The following PLD5 variants were observed in gnomAD, a reference collection of about 807,000 sequenced individuals.
PLD5 encodes the protein inactive phospholipase D5.
Under a neutral mutation model 61.1 loss-of-function variants are expected in PLD5, and 36 were observed. The observed-to-expected ratio is 0.59, with a 90% CI of 0.45 to 0.78. The LOEUF is 0.78. Ranked by LOEUF, PLD5 falls within the 30% of genes least tolerant of loss-of-function variation. PLD5 has a pLI of 0.00. For missense variants in PLD5, 515 were observed against 644.4 expected (o/e 0.80, Z 2.17); for synonymous variants, 243 against 242.8 (o/e 1.00, Z -0.01).
chr1:242,505,101 G>A (rs773326584), intron 1 of PLD5, among the ~76,000 whole-genome samples: 6 of 152,216 alleles, frequency 3.9e-5, no homozygotes, highest in Non-Finnish European at 5.9e-5. Flanking sequence ...AGGCTGCACT[G>A]AGCAGTGACC....
chr1:242,136,905 T>C (rs924901186), intron 5 of PLD5, among the ~76,000 whole-genome samples: 2 of 152,174 alleles, frequency 1.3e-5, no homozygotes, highest in African/African-American at 2.4e-5. Flanking sequence ...GCTTGGCAAA[T>C]GGCTGGTTGA....
At chr1:242,436,296 C>G (rs1255959443) in intron 1 of PLD5, among the ~76,000 whole-genome samples, 2 of 152,074 alleles carry the variant, frequency 1.3e-5, no homozygotes, top group African/African-American at 4.8e-5. Flanking sequence ...GGCATTCATT[C>G]CACTTGGAAA....
chr1:242,264,977 T>C (rs1276781801), intron 4 of PLD5, among the ~76,000 whole-genome samples: 1 of 152,174 alleles, frequency 6.6e-6, no homozygotes. Context: ...AGGATTTTCA[T>C]TTGGCAGGCA....
At position 242,163,142 on chromosome 1, in the gene PLD5, C is replaced by CT. The variant is rs1484018271; in HGVS notation, c.736-38478dup. 2.4e-3 allele frequency among the ~76,000 whole-genome samples: 309 copies of CT among 131,184 alleles called. 6 individuals are homozygous for CT. Among genetic ancestry groups the CT allele is most frequent in the African/African-American group, 8.2e-3 (288 of 35,024 alleles). 86.1% of individuals were successfully genotyped at this position (131,184 alleles called of 152,430 possible). ...TCCCTCAAGTCTTTTATTTTCTTTT[C>CT]TTTTCTTTCTTTTCTTGAGACGACG... On this transcript the variant is annotated intron_variant, in intron 5 of 9. Transcript: ENST00000536534.
At chr1:242,253,115 CTTTTTTTTTTT>C in intron 4 of PLD5, among the ~76,000 whole-genome samples, 1 of 73,198 alleles carries the variant, frequency 1.4e-5, no homozygotes. Context: ...GTGTATGGCC[CTTTTTTTTTTT>C]TTTTTTTTTT....
intron 8 of PLD5, among the ~76,000 whole-genome samples, chr1:242,105,284 TG>T: frequency 6.6e-6 from 1 of 151,212 alleles, no homozygotes; most frequent in Non-Finnish European, 1.5e-5. Context: ...AATGCAGTGG[TG>T]CAATCTCGGC....
intron 1 of PLD5, among the ~76,000 whole-genome samples, chr1:242,456,143 T>G (rs1428810912): frequency 6.6e-6 from 1 of 152,156 alleles, no homozygotes; most frequent in African/African-American, 2.4e-5. Flanking sequence ...AAGGTTGGAG[T>G]GGATCTGTTC....
intron 3 of PLD5, among the ~76,000 whole-genome samples, chr1:242,283,443 T>C (rs1346244179): frequency 6.6e-6 from 1 of 152,234 alleles, no homozygotes; most frequent in Non-Finnish European, 1.5e-5. Context: ...GGTTATGGGC[T>C]GCTCTTTATG....
rs1659483461 is a variant in PLD5 at position 242,086,487 on chromosome 1, G to T, written c.*3367C>A. 1 of 152,166 alleles carries T rather than the reference G, an allele frequency of 6.6e-6. No individual in the cohort carries two copies. The highest frequency in any genetic ancestry group is 2.4e-5 in the African/African-American group (1 of 41,412). The allele number at this position is 152,166 out of a possible 1,614,324, so 9.4% of individuals were successfully genotyped here. On this transcript the variant is annotated 3_prime_UTR_variant, in exon 10 of 10. Transcript: ENST00000536534. ...CACTTCCTCTCCAATGGTTGGACAAGCAGAGATTCAATTATTTGATAGGCT... is the reference window on the plus strand; with the variant it reads ...CACTTCCTCTCCAATGGTTGGACAATCAGAGATTCAATTATTTGATAGGCT...
At chr1:242,206,325 T>C (rs180851243) in intron 5 of PLD5, among the ~76,000 whole-genome samples, 45 of 152,324 alleles carry the variant, frequency 3.0e-4, no homozygotes, top group Middle Eastern at 3.4e-3. Context: ...GTCACTATGA[T>C]GCAGCTCTTG....
At chr1:242,173,846 T>C (rs1041736981) in intron 5 of PLD5, among the ~76,000 whole-genome samples, 1 of 152,246 alleles carries the variant, frequency 6.6e-6, no homozygotes, top group Non-Finnish European at 1.5e-5. Flanking sequence ...GCTAGCCATA[T>C]GTAGAAAGCT....
At chr1:242,207,742 ATATATTTATATATATT>A (rs1261214251) in intron 5 of PLD5, among the ~76,000 whole-genome samples, 5,163 of 86,218 alleles carry the variant, frequency 0.06, 230 homozygotes, top group East Asian at 0.15. Context: ...GATGTTTTAT[ATATATTTATATATATT>A]TATATTTATA....
At chr1:242,112,410 T>C (rs1397261290) in intron 7 of PLD5, among the ~76,000 whole-genome samples, 1 of 151,792 alleles carries the variant, frequency 6.6e-6, no homozygotes, top group African/African-American at 2.4e-5. Flanking sequence ...CTTGGCTCAC[T>C]GCAACCTCTA....
the PLD5 span, among the ~76,000 whole-genome samples, chr1:242,529,894 G>A: frequency 6.0e-5 from 9 of 149,166 alleles, no homozygotes; most frequent in Middle Eastern, 6.9e-3. Context: ...TTGAGACAGA[G>A]TTTCACTCCT....
chr1:242,426,870 A>C (rs1346615680), intron 1 of PLD5, among the ~76,000 whole-genome samples: 4 of 152,138 alleles, frequency 2.6e-5, no homozygotes, highest in African/African-American at 9.7e-5. Context: ...AGCCAATGGC[A>C]TGTGAGCAGA....
intron 1 of PLD5, among the ~76,000 whole-genome samples, chr1:242,421,581 TGAA>T (rs1255402799): frequency 2.0e-4 from 30 of 152,192 alleles, no homozygotes; most frequent in African/African-American, 6.3e-4. Flanking sequence ...GGGTAGGGAT[TGAA>T]GAAATGTGAA....
At chr1:242,381,530 A>G (rs1662279598) in intron 1 of PLD5, among the ~76,000 whole-genome samples, 1 of 152,190 alleles carries the variant, frequency 6.6e-6, no homozygotes, top group Non-Finnish European at 1.5e-5. Flanking sequence ...CACATCCTGG[A>G]CATGTACCCT....
chr1:242,441,914 G>T (rs1666294400), intron 1 of PLD5, among the ~76,000 whole-genome samples: 1 of 152,208 alleles, frequency 6.6e-6, no homozygotes, highest in Non-Finnish European at 1.5e-5. Context: ...TAAACAGAAA[G>T]TTAACTGACA....
chr1:242,240,911 A>ACATG (rs1301706261), intron 4 of PLD5, among the ~76,000 whole-genome samples: 1 of 152,208 alleles, frequency 6.6e-6, no homozygotes, highest in African/African-American at 2.4e-5. Flanking sequence ...TAATAAAAGA[A>ACATG]CATGAATCAT....
Sources: gnomAD v4.1 joint callset for allele counts (sites outside exome capture counted in the v4.1 genomes callset) on GRCh38, gnomAD v4.1.1 for gene constraint, MANE v1.5 for transcripts, NCBI Gene and HGNC (gene_info 2026-07-23, HGNC 2026-07-21) for gene names.